ZNF184: variants seen among roughly 807,000 people sequenced by gnomAD.
ZNF184 encodes zinc finger protein 184 (Kruppel-like).
Under a neutral mutation model 54.4 loss-of-function variants are expected in ZNF184, and 16 were observed. The observed-to-expected ratio is 0.29, with a 90% confidence interval of 0.20 to 0.45. The LOEUF (loss-of-function observed/expected upper bound fraction) is 0.45, where lower values mean the gene tolerates loss of function less well. ZNF184 is among the 20% of genes least tolerant of loss of function. The pLI, the probability that ZNF184 is intolerant of heterozygous loss-of-function variation, is 1.00. For synonymous variants in ZNF184, 254 were observed against 295.3 expected (o/e 0.86, Z 1.43); for missense variants, 681 against 888.2 (o/e 0.77, Z 2.97).
intron 3 of ZNF184, among the ~76,000 whole-genome samples, chr6:27,463,584 T>C (rs552836460): frequency 6.6e-6 from 1 of 152,196 alleles, no homozygotes; most frequent in African/African-American, 2.4e-5. Context: ...TAACAGCTGA[T>C]TATTTTCCAA....
the ZNF184 span, among the ~76,000 whole-genome samples, chr6:27,428,242 T>C: frequency 6.6e-6 from 1 of 152,232 alleles, no homozygotes; most frequent in African/African-American, 2.4e-5. The surrounding 1 kb of genome is among the most constrained non-coding windows in gnomAD (Gnocchi z 4.1). Context: ...TTTTCATCTT[T>C]CTCTCCACTT....
downstream of ZNF184, chr6:27,450,720 T>A (rs1408623860): frequency 2.6e-5 from 4 of 151,708 alleles, no homozygotes; most frequent in Non-Finnish European, 5.9e-5. Context: ...TGTGGTAAAC[T>A]CCTAGAATAT....
chr6:27,413,865 T>A, the ZNF184 span, among the ~76,000 whole-genome samples: 2 of 152,346 alleles, frequency 1.3e-5, no homozygotes, highest in South Asian at 4.1e-4. Context: ...CTTTCTTCCA[T>A]TTGACTCTCA....
the ZNF184 span, among the ~76,000 whole-genome samples, chr6:27,413,095 C>T: frequency 6.7e-6 from 1 of 149,934 alleles, no homozygotes; most frequent in African/African-American, 2.5e-5. Flanking sequence ...CCTGTCTCTA[C>T]TAAAAATACA....
chr6:27,422,221 GA>G, the ZNF184 span, among the ~76,000 whole-genome samples: 5 of 126,518 alleles, frequency 4.0e-5, no homozygotes, highest in African/African-American at 5.9e-5. Context: ...AGAAAGAAAA[GA>G]AAAGAAATTC....
chr6:27,404,469 A>T, the ZNF184 span: 1 of 152,188 alleles, frequency 6.6e-6, no homozygotes, highest in Non-Finnish European at 1.5e-5. Flanking sequence ...GGTTCGCAGG[A>T]GCAGGGGGGA....
At chr6:27,427,351 C>T in the ZNF184 span, among the ~76,000 whole-genome samples, 387 of 152,268 alleles carry the variant, frequency 2.5e-3, 1 homozygote, top group Admixed American at 4.2e-3. Flanking sequence ...ACTGCACTAA[C>T]GCCTAGTTGG....
At chr6:27,405,571 A>G in the ZNF184 span, 2 of 152,034 alleles carry the variant, frequency 1.3e-5, no homozygotes, top group African/African-American at 2.4e-5. Context: ...AGGTTCCAAG[A>G]CCTCTTGCAA....
chr6:27,462,229 T>C (rs1466313561), intron 3 of ZNF184, among the ~76,000 whole-genome samples: 2 of 151,656 alleles, frequency 1.3e-5, no homozygotes, highest in Non-Finnish European at 2.9e-5. Context: ...GCGGAGTTTC[T>C]CTCTGTTGCG....
At chr6:27,435,239 G>A in the ZNF184 span, among the ~76,000 whole-genome samples, 7 of 152,058 alleles carry the variant, frequency 4.6e-5, no homozygotes, top group East Asian at 1.9e-4. Context: ...TGGTTGCTTC[G>A]GATGACGTTT....
At chr6:27,416,031 T>A in the ZNF184 span, among the ~76,000 whole-genome samples, 1 of 152,208 alleles carries the variant, frequency 6.6e-6, no homozygotes, top group Non-Finnish European at 1.5e-5. Context: ...GATGGCATTC[T>A]CCCCGTATCT....
chr6:27,452,945 G>C lies in ZNF184; in HGVS notation c.614C>G (p.Thr205Ser). 1 of 1,614,140 alleles carries C rather than the reference G, an allele frequency of 6.2e-7. No individual in the cohort carries two copies. Among genetic ancestry groups the C allele is most frequent in the Non-Finnish European group, 8.5e-7 (1 of 1,180,022 alleles). The change falls in exon 6 of 6, where the codon ACT becomes AGT. Residue 205 changes from threonine (T) to serine (S), a missense_variant. Coordinates refer to ENST00000683788, the MANE Select transcript of ZNF184 (RefSeq NM_001318891.2). This position sits in a 1 kb window ranked among gnomAD's most constrained non-coding sequence, Gnocchi z 5.5. The part of the protein sequence containing the change: ...TQEPSPEETS[T>S]KRSIKQNSNP... ...TGAATTCTGTTTGATGCTTCTTTTA[G>C]TAGAGGTCTCTTCTGGAGATGGTTC...
chr6:27,465,169 A>AAAAAAG (rs1554131274), intron 3 of ZNF184, among the ~76,000 whole-genome samples: 3 of 148,456 alleles, frequency 2.0e-5, no homozygotes, highest in Admixed American at 6.7e-5. Flanking sequence ...TATTTAAAAA[A>AAAAAAG]AAAAGAAAAG....
At chr6:27,457,105 C>T (rs139610873) in intron 4 of ZNF184, among the ~76,000 whole-genome samples, 178 bp downstream of exon 4, 10 of 152,114 alleles carry the variant, frequency 6.6e-5, no homozygotes, top group Admixed American at 2.6e-4. Flanking sequence ...GGGAACTGAT[C>T]GGGGTTCAGG....
At chr6:27,439,089 A>G in the ZNF184 span, among the ~76,000 whole-genome samples, 7 of 152,196 alleles carry the variant, frequency 4.6e-5, no homozygotes, top group African/African-American at 1.7e-4. Context: ...CCAAGAGCCT[A>G]TTAGAAATGC....
chr6:27,433,204 T>C, the ZNF184 span, among the ~76,000 whole-genome samples: 5 of 152,232 alleles, frequency 3.3e-5, no homozygotes, highest in African/African-American at 1.2e-4. Context: ...TGTTTTGGGA[T>C]AATTTGTTAT....
the ZNF184 span, among the ~76,000 whole-genome samples, chr6:27,422,148 A>AAAAAAGAAAGAAAGAAAG: frequency 2.1e-4 from 9 of 43,448 alleles, no homozygotes; most frequent in African/African-American, 7.6e-4. Flanking sequence ...CTCAAAAAAA[A>AAAAAAGAAAGAAAGAAAG]AAAGAAAGAA....
At chr6:27,433,417 C>T in the ZNF184 span, among the ~76,000 whole-genome samples, 88,878 of 152,076 alleles carry the variant, frequency 0.58, 26,485 homozygotes, top group Middle Eastern at 0.74. Flanking sequence ...GCATTAAGTA[C>T]ATTCACAATG....
intron 3 of ZNF184, among the ~76,000 whole-genome samples, chr6:27,466,561 G>A (rs1344205732): frequency 6.6e-6 from 1 of 152,016 alleles, no homozygotes; most frequent in Non-Finnish European, 1.5e-5. Flanking sequence ...CTCTGATTAT[G>A]GATATTTTCA....
Sources: gnomAD v4.1 joint callset for allele counts (sites outside exome capture counted in the v4.1 genomes callset) on GRCh38, gnomAD v4.1.1 for gene constraint, Gnocchi (gnomAD v3.1) non-coding constraint, MANE v1.5 for transcripts, NCBI Gene and HGNC (gene_info 2026-07-23, HGNC 2026-07-21) for gene names.